The following PCDH11Y variants were observed in gnomAD, a reference collection of about 807,000 sequenced individuals.
PCDH11Y encodes the protein protocadherin-11 Y-linked.
For missense variants in PCDH11Y, 12 were observed against 224.8 expected (o/e 0.05, Z 6.05); for synonymous variants, 9 against 83.6 (o/e 0.11, Z 4.87).
chrY:5,701,730 A>G (rs2053578081), intron 4 of PCDH11Y, among the ~76,000 whole-genome samples: 1 of 33,131 alleles, frequency 3.0e-5, no homozygotes, highest in Admixed American at 2.7e-4. Flanking sequence ...TAGTGGAACT[A>G]TAAGAAGAGG....
chrY:5,216,173 G>T (rs2052946009), intron 2 of PCDH11Y, among the ~76,000 whole-genome samples: 1 of 26,144 alleles, frequency 3.8e-5, no homozygotes, highest in Non-Finnish European at 8.8e-5. Flanking sequence ...ATGTATCTTG[G>T]TGTTGGTAAT....
chrY:5,575,227 A>C, intron 3 of PCDH11Y, among the ~76,000 whole-genome samples: 2 of 31,380 alleles, frequency 6.4e-5, no homozygotes. Context: ...AGCAAAGGAA[A>C]CAATCAACAA....
chrY:5,529,470 G>T, intron 3 of PCDH11Y, among the ~76,000 whole-genome samples: 1 of 32,149 alleles, frequency 3.1e-5, no homozygotes, highest in Non-Finnish European at 7.7e-5. Flanking sequence ...AAAACTAAAA[G>T]AGTGTAATTG....
At chrY:5,712,151 A>C (rs2124713167) in intron 4 of PCDH11Y, among the ~76,000 whole-genome samples, 1 of 32,537 alleles carries the variant, frequency 3.1e-5, no homozygotes, top group South Asian at 7.0e-4. Flanking sequence ...AGACAGTTAA[A>C]AGATTACTGG....
At chrY:5,177,022 A>T in intron 2 of PCDH11Y, among the ~76,000 whole-genome samples, 1 of 32,812 alleles carries the variant, frequency 3.0e-5, no homozygotes, top group Admixed American at 2.8e-4. Context: ...GATTTTTCTT[A>T]ACTATTTAAA....
chrY:5,287,917 A>T, intron 2 of PCDH11Y, among the ~76,000 whole-genome samples: 1 of 32,721 alleles, frequency 3.1e-5, no homozygotes, highest in Non-Finnish European at 7.5e-5. Flanking sequence ...AGTGTTAAAA[A>T]AAAAAAAAGC....
intron 2 of PCDH11Y, among the ~76,000 whole-genome samples, chrY:5,497,111 T>A: frequency 3.0e-5 from 1 of 33,719 alleles, no homozygotes; most frequent in Non-Finnish European, 7.3e-5. Flanking sequence ...AACATACATG[T>A]GCATGAGTCT....
chrY:5,669,107 G>A, intron 4 of PCDH11Y, among the ~76,000 whole-genome samples: 2 of 33,226 alleles, frequency 6.0e-5, no homozygotes, highest in Non-Finnish European at 1.5e-4. Flanking sequence ...ACAATGCATA[G>A]TGATCAAATC....
intron 2 of PCDH11Y, among the ~76,000 whole-genome samples, chrY:5,310,939 T>G: frequency 9.1e-5 from 3 of 32,923 alleles, no homozygotes; most frequent in Admixed American, 8.4e-4. Context: ...TTATAAACAG[T>G]TAAATCCAGA....
chrY:5,298,344 A>G, intron 2 of PCDH11Y, among the ~76,000 whole-genome samples: 7 of 33,236 alleles, frequency 2.1e-4, no homozygotes, highest in Non-Finnish European at 5.2e-4. Flanking sequence ...ATGATGAGAC[A>G]GTTAATCCGG....
intron 4 of PCDH11Y, among the ~76,000 whole-genome samples, chrY:5,603,927 A>AAAG (rs2053476503): frequency 3.6e-5 from 1 of 27,614 alleles, no homozygotes; most frequent in Non-Finnish European, 8.8e-5. Context: ...AAGAAAGAAA[A>AAAG]GAAAGAAAGA....
intron 2 of PCDH11Y, among the ~76,000 whole-genome samples, chrY:5,228,986 C>T (rs2052964102): frequency 3.1e-5 from 1 of 32,097 alleles, no homozygotes; most frequent in Non-Finnish European, 7.6e-5. Context: ...GTTGATTTTC[C>T]GTATGGAAGA....
intron 2 of PCDH11Y, among the ~76,000 whole-genome samples, chrY:5,128,638 A>C: frequency 3.0e-5 from 1 of 32,987 alleles, no homozygotes; most frequent in Non-Finnish European, 7.5e-5. Flanking sequence ...TGTCAGCCTG[A>C]CAGGTGATTT....
At chrY:5,663,906 C>G in intron 4 of PCDH11Y, among the ~76,000 whole-genome samples, 1 of 31,626 alleles carries the variant, frequency 3.2e-5, no homozygotes, top group Non-Finnish European at 7.6e-5. Context: ...TAGATATGTT[C>G]AGCACAAATA....
chrY:5,451,151 T>G, intron 2 of PCDH11Y, among the ~76,000 whole-genome samples: 1 of 33,197 alleles, frequency 3.0e-5, no homozygotes, highest in African/African-American at 1.2e-4. Context: ...TTCTCAGCCT[T>G]CACACAGTGA....
chrY:5,385,216 G>A, intron 2 of PCDH11Y, among the ~76,000 whole-genome samples: 1 of 24,648 alleles, frequency 4.1e-5, no homozygotes, highest in Non-Finnish European at 9.3e-5. Flanking sequence ...TTCTTTTGTG[G>A]GGATTTGTTA....
exon 5 of PCDH11Y, chrY:5,741,281 C>A (rs2053617169): frequency 3.6e-5 from 1 of 27,902 alleles, no homozygotes; most frequent in African/African-American, 1.4e-4. Flanking sequence ...ATAGACTAAA[C>A]AAATCACAAA....
chrY:5,207,973 T>C, intron 2 of PCDH11Y: 1 of 287,152 alleles, frequency 3.5e-6, no homozygotes, highest in Non-Finnish European at 5.3e-6. Flanking sequence ...TCAGATTTTG[T>C]TTTCAAATCA....
chrY:5,044,582 A>G, intron 3 of PCDH11Y, among the ~76,000 whole-genome samples: 1 of 32,793 alleles, frequency 3.0e-5, no homozygotes, highest in Non-Finnish European at 7.5e-5. Context: ...AAAAATGTAT[A>G]TTCTATTGAT....
Sources: allele counts gnomAD v4.1 joint callset (sites outside exome capture counted in the v4.1 genomes callset), GRCh38; gene constraint gnomAD v4.1.1; transcripts MANE v1.5; gene names NCBI Gene and HGNC (gene_info 2026-07-23, HGNC 2026-07-21).